Variants in ECE1 observed in about 807,000 individuals in gnomAD.
ECE1 encodes endothelin converting enzyme 1.
A neutral mutation model predicts 98.6 loss-of-function variants in ECE1; 35 were observed. That is an observed-to-expected ratio of 0.35 (90% CI 0.27 to 0.47). The LOEUF is 0.47. ECE1 is among the 20% of genes least tolerant of loss of function. The probability of loss-of-function intolerance (pLI) is 1.00; values close to 1 mark genes in which losing one functional copy is unlikely to be tolerated. For synonymous variants in ECE1, 394 were observed against 407.1 expected (o/e 0.97, Z 0.39); for missense variants, 814 against 1,025.3 (o/e 0.79, Z 2.81).
At chr1:21,279,065 G>A in intron 3 of ECE1, 126 bp downstream of exon 3, 1 of 1,532,042 alleles carries the variant, frequency 6.5e-7, no homozygotes, top group Non-Finnish European at 8.9e-7. Context: ...AGACCCCCCT[G>A]GGCCTGGCTC....
chr1:21,285,234 A>G (rs1206543767), intron 2 of ECE1, among the ~76,000 whole-genome samples: 4 of 152,142 alleles, frequency 2.6e-5, no homozygotes, highest in African/African-American at 9.7e-5. Context: ...AAAGGCTAAT[A>G]TTTACAAGTA....
chr1:21,235,338 C>T lies in ECE1; in HGVS notation c.1566+512G>A, dbSNP rs1297684702. Among the ~76,000 whole-genome samples, 4 of 152,186 alleles carry T rather than the reference C, an allele frequency of 2.6e-5. No individual in the cohort carries two copies. The highest frequency in any genetic ancestry group is 9.7e-5 in the African/African-American group (4 of 41,450). On this transcript the variant is annotated intron_variant, in intron 13 of 18. Coordinates refer to ENST00000374893, the MANE Select transcript of ECE1 (RefSeq NM_001397.3). This position sits in a 1 kb window ranked among gnomAD's most constrained non-coding sequence, Gnocchi z 4.2. ...TAAAAATGCACCTGGATTTAAGCTG[C>T]TTCTTTCCCATTAGCATTTCAAAGT...
chr1:21,300,246 G>A (rs777805619), intron 1 of ECE1, among the ~76,000 whole-genome samples: 24 of 152,236 alleles, frequency 1.6e-4, no homozygotes, highest in Non-Finnish European at 2.6e-4. Context: ...CCCAGGAGGC[G>A]GCTGAGAAGC....
chr1:21,315,718 C>T (rs1364977021), intron 1 of ECE1, among the ~76,000 whole-genome samples: 1 of 148,218 alleles, frequency 6.7e-6, no homozygotes, highest in East Asian at 2.0e-4. Flanking sequence ...CACTTGAACC[C>T]AGGAGGCAGA....
At chr1:21,324,687 C>T (rs1172392623) in intron 1 of ECE1, among the ~76,000 whole-genome samples, 1 of 152,192 alleles carries the variant, frequency 6.6e-6, no homozygotes, top group African/African-American at 2.4e-5. Flanking sequence ...AAGGAGCCCG[C>T]GGGTCACTTA....
chr1:21,278,667 G>A (rs1275734265), intron 3 of ECE1, among the ~76,000 whole-genome samples: 1 of 152,188 alleles, frequency 6.6e-6, no homozygotes, highest in Non-Finnish European at 1.5e-5. Context: ...TGAAGCGAGG[G>A]GTGTGGTATT....
At chr1:21,328,846 C>T (rs1296149187) in intron 1 of ECE1, among the ~76,000 whole-genome samples, 1 of 151,894 alleles carries the variant, frequency 6.6e-6, no homozygotes, top group Non-Finnish European at 1.5e-5. Flanking sequence ...GAACACAGGC[C>T]TCGGCTGCTG....
intron 1 of ECE1, among the ~76,000 whole-genome samples, chr1:21,317,923 G>T (rs1638867108): frequency 6.6e-6 from 1 of 152,238 alleles, no homozygotes; most frequent in Non-Finnish European, 1.5e-5. Context: ...CAGGCTCGGG[G>T]TGTGACCCCA....
rs1284806266 is a variant in ECE1, at chr1:21,281,323, C to T, written c.139-1991G>A. ...GTCAGGCAGTGGGAGGGATGCCGCC[C>T]GCTCAAATCCCTCAAGAATCTCTTC... On this transcript the variant is annotated intron_variant, in intron 2 of 18. Coordinates refer to ENST00000374893, the MANE Select transcript of ECE1 (RefSeq NM_001397.3). 9.9e-5 allele frequency among the ~76,000 whole-genome samples: 15 copies of T among 152,148 alleles called. No individual in the cohort carries two copies. In the East Asian group the frequency reaches 2.3e-3, roughly 23 times the overall value.
At chr1:21,285,629 G>C (rs1183373780) in intron 2 of ECE1, among the ~76,000 whole-genome samples, 1 of 149,662 alleles carries the variant, frequency 6.7e-6, no homozygotes, top group Non-Finnish European at 1.5e-5. Context: ...ATTCAAGGCT[G>C]CAGTGAGCCA....
intron 4 of ECE1, among the ~76,000 whole-genome samples, chr1:21,272,385 A>T (rs1250330417): frequency 6.6e-6 from 1 of 152,104 alleles, no homozygotes; most frequent in African/African-American, 2.4e-5. Flanking sequence ...TCTGCCTCCC[A>T]GTTTCAAGCG....
intron 9 of ECE1, among the ~76,000 whole-genome samples, chr1:21,245,317 A>G (rs571673338): frequency 2.6e-5 from 4 of 152,350 alleles, no homozygotes; most frequent in Non-Finnish European, 5.9e-5. Flanking sequence ...GAAACGCTTC[A>G]GTGTTGAGTG....
intron 17 of ECE1, among the ~76,000 whole-genome samples, chr1:21,222,622 C>T (rs1226082283): frequency 6.6e-6 from 1 of 152,004 alleles, no homozygotes; most frequent in Non-Finnish European, 1.5e-5. Flanking sequence ...AGGTGGATCA[C>T]CTGAGGTTAG....
Position 21,260,339 on chromosome 1 carries a change from G to A in ECE1, c.547C>T (p.Arg183Cys), listed in dbSNP as rs991574666. 5 of 1,614,108 alleles carry A rather than the reference G, an allele frequency of 3.1e-6. No homozygotes were observed. Among genetic ancestry groups the A allele is most frequent in the South Asian group, 2.2e-5 (2 of 91,090 alleles). The change falls in exon 5 of 19, where the codon CGT becomes TGT. Residue 183 changes from arginine (R) to cysteine (C), a missense_variant. Transcript: ENST00000374893. The surrounding 1 kb of genome is among the most constrained non-coding windows in gnomAD (Gnocchi z 4.3). ...ATCCTGGTCTCGTTCATGCACGCAC[G>A]GTAGTATACTTGCGCCTTTCTCTCT... ...EAERKAQVYY[R>C]ACMNETRIEE...
chr1:21,301,077 C>T (rs1225448411), intron 1 of ECE1, among the ~76,000 whole-genome samples: 1 of 147,484 alleles, frequency 6.8e-6, no homozygotes, highest in Non-Finnish European at 1.5e-5. Flanking sequence ...GGGTGTGTCT[C>T]CTCCTGACCC....
Position 21,290,402 on chromosome 1 carries a change from A to C in ECE1, c.13T>G (p.Trp5Gly). The change falls in exon 1 of 19, where the codon TGG (tryptophan) becomes GGG (glycine). Residue 5 changes from tryptophan (W) to glycine (G), a missense_variant. Coordinates refer to ENST00000374893, the MANE Select transcript of ECE1 (RefSeq NM_001397.3). This position sits in a 1 kb window ranked among gnomAD's most constrained non-coding sequence, Gnocchi z 7.3. ...AGCAGGGCGGACACCGGGGGCGGCC[A>C]CACGCCCCGCATGCTGTGCCCCAGA... Reference protein sequence around the residue: MRGVWPPPVSALLSA... With the variant: MRGVGPPPVSALLSA... The C allele has an allele frequency of 3.5e-6, 4 of 1,153,076 alleles. No homozygotes were observed. The highest frequency in any genetic ancestry group is 4.0e-5 in the South Asian group (1 of 24,982). 71.4% of individuals were successfully genotyped at this position (1,153,076 alleles called of 1,614,324 possible). A position where few individuals can be genotyped will look rare whatever the true frequency, so the allele number is the denominator to read the frequency against.
intron 1 of ECE1, among the ~76,000 whole-genome samples, chr1:21,297,142 G>A (rs564224670): frequency 6.0e-4 from 92 of 152,340 alleles, no homozygotes; most frequent in Non-Finnish European, 1.1e-3. Flanking sequence ...CAGGAGACTT[G>A]CCTCCACACA....
At chr1:21,265,153 C>CA (rs2103306575) in intron 4 of ECE1, among the ~76,000 whole-genome samples, 1 of 152,334 alleles carries the variant, frequency 6.6e-6, no homozygotes, top group South Asian at 2.1e-4. Context: ...CAATGCCTGG[C>CA]ACACAGAAAG....
chr1:21,318,288 C>T (rs2103398658), intron 1 of ECE1, among the ~76,000 whole-genome samples: 1 of 152,306 alleles, frequency 6.6e-6, no homozygotes, highest in Non-Finnish European at 1.5e-5. Context: ...ATCAGCGTTC[C>T]TGAGGGCCCA....
Sources: gnomAD v4.1 joint callset for allele counts (sites outside exome capture counted in the v4.1 genomes callset) on GRCh38, gnomAD v4.1.1 for gene constraint, Gnocchi (gnomAD v3.1) non-coding constraint, MANE v1.5 for transcripts, NCBI Gene and HGNC (gene_info 2026-07-23, HGNC 2026-07-21) for gene names.